The following MBOAT2 variants were observed in gnomAD, a reference collection of about 807,000 sequenced individuals.
The protein encoded by MBOAT2 is membrane bound glycerophospholipid O-acyltransferase 2, also known as membrane-bound glycerophospholipid O-acyltransferase 2.
In MBOAT2, 28 loss-of-function variants were observed where a neutral mutation model predicts 63.4. That is an observed-to-expected ratio of 0.44 (90% CI 0.33 to 0.61). The LOEUF (loss-of-function observed/expected upper bound fraction) is 0.61. MBOAT2 is among the 20% of genes least tolerant of loss of function. The pLI, the probability that MBOAT2 is intolerant of heterozygous loss-of-function variation, is 0.03. For missense variants in MBOAT2, 470 were observed against 605.8 expected (o/e 0.78, Z 2.35); for synonymous variants, 211 against 215.6 (o/e 0.98, Z 0.19).
chr2:8,970,548 C>A (rs940491134), intron 1 of MBOAT2, among the ~76,000 whole-genome samples: 4 of 152,076 alleles, frequency 2.6e-5, no homozygotes, highest in Admixed American at 1.3e-4. Flanking sequence ...GATAGAGACA[C>A]AAACAACCCT....
chr2:8,905,467 T>C (rs1451423414), intron 4 of MBOAT2, among the ~76,000 whole-genome samples: 1 of 152,194 alleles, frequency 6.6e-6, no homozygotes. Context: ...TCCTATACTA[T>C]GCAGCCATAA....
chr2:8,872,972 G>T, intron 8 of MBOAT2, 136 bp downstream of exon 8: 1 of 674,654 alleles, frequency 1.5e-6, no homozygotes, highest in Non-Finnish European at 2.3e-6. Context: ...TGCGAGGGCT[G>T]TTTTTTCTAC....
At chr2:8,926,166 TCACCCAGG>T (rs1666917000) in intron 3 of MBOAT2, among the ~76,000 whole-genome samples, 5 of 152,278 alleles carry the variant, frequency 3.3e-5, no homozygotes, top group Admixed American at 2.0e-4. Context: ...ATCTGTCTTG[TCACCCAGG>T]CTGGAGTACA....
At chr2:8,947,971 A>C (rs1253315262) in intron 2 of MBOAT2, among the ~76,000 whole-genome samples, 1 of 152,222 alleles carries the variant, frequency 6.6e-6, no homozygotes, top group Non-Finnish European at 1.5e-5. Context: ...GGATCTAGGC[A>C]AACTAAATAG....
intron 9 of MBOAT2, among the ~76,000 whole-genome samples, chr2:8,864,945 G>A (rs950357810): frequency 2.0e-5 from 3 of 152,064 alleles, no homozygotes; most frequent in Admixed American, 2.0e-4. Context: ...AATCTTCAAT[G>A]CTTCTGTTTC....
chr2:8,959,995 T>A (rs866997230), intron 1 of MBOAT2, among the ~76,000 whole-genome samples: 2 of 152,224 alleles, frequency 1.3e-5, no homozygotes, highest in Admixed American at 1.3e-4. Flanking sequence ...CAGACAAGTA[T>A]GTTCTCTTTC....
chr2:8,974,248 C>T, intron 1 of MBOAT2: 1 of 407,920 alleles, frequency 2.5e-6, no homozygotes, highest in Non-Finnish European at 5.1e-6. Context: ...TCACCAACAA[C>T]TAATTCTGGG....
At chr2:8,898,190 A>G (rs1334049758) in intron 4 of MBOAT2, among the ~76,000 whole-genome samples, 6 of 152,160 alleles carry the variant, frequency 3.9e-5, no homozygotes, top group African/African-American at 1.4e-4. Flanking sequence ...CGGAAGGCTT[A>G]AAGCTGGAGC....
chr2:8,973,540 A>G (rs1156379208), intron 1 of MBOAT2, among the ~76,000 whole-genome samples: 1 of 147,158 alleles, frequency 6.8e-6, no homozygotes, highest in Non-Finnish European at 1.5e-5. Context: ...AATAAATAAA[A>G]GTAACTCAAG....
intron 2 of MBOAT2, among the ~76,000 whole-genome samples, chr2:8,948,773 T>C (rs1458603657): frequency 1.3e-5 from 2 of 152,206 alleles, no homozygotes; most frequent in Non-Finnish European, 2.9e-5. Flanking sequence ...TCCATGTCTT[T>C]GCTATTGTGA....
rs565812941 is a variant in MBOAT2, at chr2:8,855,961, CAGG to C, written c.*2715_*2717del. On this transcript the variant is annotated 3_prime_UTR_variant, in exon 13 of 13. Coordinates refer to ENST00000305997, the MANE Select transcript of MBOAT2 (RefSeq NM_138799.4). Reference sequence around the variant, plus strand: ...TACAACGAATCCCCTTTCTATTTAACAGGAGTAGACGTACCAGTTTAAAATTCT... The same window carrying C: ...TACAACGAATCCCCTTTCTATTTAACAGTAGACGTACCAGTTTAAAATTCT... The C allele has an allele frequency of 1.9e-3, 293 of 152,100 alleles. 1 individual carries two copies. Among genetic ancestry groups the C allele is most frequent in the African/African-American group, 6.7e-3 (278 of 41,482 alleles). The allele number at this position is 152,100 out of a possible 1,614,324, so 9.4% of individuals were successfully genotyped here.
At chr2:8,875,160 A>C (rs1389819118) in intron 7 of MBOAT2, among the ~76,000 whole-genome samples, 2 of 152,176 alleles carry the variant, frequency 1.3e-5, no homozygotes, top group Non-Finnish European at 2.9e-5. Context: ...CCTCCTTAGG[A>C]TCCTGAGCAT....
chr2:8,885,804 AATG>A (rs1292016088), intron 5 of MBOAT2, among the ~76,000 whole-genome samples: 1 of 152,234 alleles, frequency 6.6e-6, no homozygotes, highest in Non-Finnish European at 1.5e-5. Flanking sequence ...TGCAAATATG[AATG>A]ATGCCACTGG....
At chr2:8,939,369 C>T (rs947468864) in intron 3 of MBOAT2, among the ~76,000 whole-genome samples, 1 of 152,198 alleles carries the variant, frequency 6.6e-6, no homozygotes, top group Non-Finnish European at 1.5e-5. Flanking sequence ...GCTCACTCAT[C>T]CTGGCCTAGA....
chr2:8,892,723 A>C (rs905150742), intron 4 of MBOAT2, among the ~76,000 whole-genome samples: 1 of 152,196 alleles, frequency 6.6e-6, no homozygotes, highest in Non-Finnish European at 1.5e-5. Flanking sequence ...CTCACCCAGA[A>C]GATGACAGTG....
intron 4 of MBOAT2, among the ~76,000 whole-genome samples, chr2:8,897,181 CTCTCTTTT>C (rs1314327021): frequency 2.0e-5 from 3 of 150,322 alleles, no homozygotes; most frequent in African/African-American, 7.5e-5. Flanking sequence ...GTGTCTCTTT[CTCTCTTTT>C]TCTCTGATTC....
At chr2:8,954,803 G>A (rs945773546) in intron 2 of MBOAT2, among the ~76,000 whole-genome samples, 2 of 152,142 alleles carry the variant, frequency 1.3e-5, no homozygotes, top group Middle Eastern at 3.2e-3. Context: ...CAGGAGGGGT[G>A]GGGTGGCTCA....
chr2:8,957,310 A>G lies in MBOAT2; in HGVS notation c.221+1187T>C, dbSNP rs79175673. Among the ~76,000 whole-genome samples, 22 of 152,312 alleles carry G rather than the reference A, an allele frequency of 1.4e-4. 1 individual carries two copies. The East Asian group carries it at 3.9e-3, about 27-fold the overall frequency. ...AGTATCACCTGAGAAACCTTAAAAA[A>G]CTGTGATGATATAAATGTGATGTCA... is the stretch of plus-strand genomic sequence containing the variant. On this transcript the variant is annotated intron_variant, in intron 2 of 12. Coordinates refer to ENST00000305997, the MANE Select transcript of MBOAT2 (RefSeq NM_138799.4).
intron 4 of MBOAT2, 107 bp from the exon 5 acceptor site, chr2:8,888,180 A>C (rs1430261028): frequency 1.5e-5 from 16 of 1,041,530 alleles, no homozygotes; most frequent in Non-Finnish European, 1.8e-5. Context: ...CAAATCCTGA[A>C]ATTTTTAACA....
Sources: allele counts gnomAD v4.1 joint callset (sites outside exome capture counted in the v4.1 genomes callset), GRCh38; gene constraint gnomAD v4.1.1; transcripts MANE v1.5; gene names NCBI Gene and HGNC (gene_info 2026-07-23, HGNC 2026-07-21).